The following DLGAP2 variants were observed in gnomAD, a reference collection of about 807,000 sequenced individuals.
DLGAP2 encodes the protein disks large-associated protein 2.
DLGAP2 carries 26 observed loss-of-function variants against 100.3 expected under a neutral mutation model. The observed-to-expected ratio is 0.26, with a 90% confidence interval of 0.19 to 0.36. The LOEUF (loss-of-function observed/expected upper bound fraction) is 0.36. Ranked by LOEUF, DLGAP2 falls within the 10% of genes least tolerant of loss-of-function variation. DLGAP2 has a pLI of 1.00. For missense variants in DLGAP2, 1,858 were observed against 1,453.2 expected, an observed-to-expected ratio of 1.28 and a Z score of -4.53; for synonymous variants, 886 against 630.1, an observed-to-expected ratio of 1.41 and a Z score of -6.08.
chr8:1,100,433 G>C (rs902511822), intron 2 of DLGAP2, among the ~76,000 whole-genome samples: 1 of 152,096 alleles, frequency 6.6e-6, no homozygotes, highest in Non-Finnish European at 1.5e-5. Context: ...TGTACAGCTT[G>C]TGTAGGGAAA....
chr8:912,182 T>C (rs1798498680), intron 2 of DLGAP2, among the ~76,000 whole-genome samples: 1 of 152,212 alleles, frequency 6.6e-6, no homozygotes, highest in South Asian at 2.1e-4. Flanking sequence ...CAAACTTTGA[T>C]AATAAGAAGT....
At chr8:760,743 C>T (rs779122779) in intron 1 of DLGAP2, among the ~76,000 whole-genome samples, 30 of 152,162 alleles carry the variant, frequency 2.0e-4, no homozygotes, top group Admixed American at 5.9e-4. Flanking sequence ...TGCAGGGCTT[C>T]GCGAGCGCCT....
intron 2 of DLGAP2, among the ~76,000 whole-genome samples, chr8:1,040,645 G>A (rs924561041): frequency 2.3e-4 from 34 of 149,786 alleles, no homozygotes; most frequent in African/African-American, 6.7e-4. Context: ...TGGTTGGCTC[G>A]GTGTGCGTGG....
At chr8:1,002,625 CT>C in intron 2 of DLGAP2, 1 of 152,234 alleles carries the variant, frequency 6.6e-6, no homozygotes. Flanking sequence ...AGTGGACGCC[CT>C]GTGGGGTGGC....
chr8:1,451,752 C>T (rs1029717802), intron 3 of DLGAP2, among the ~76,000 whole-genome samples: 1 of 152,208 alleles, frequency 6.6e-6, no homozygotes, highest in Non-Finnish European at 1.5e-5. Flanking sequence ...GAGCTCCCTC[C>T]ACAGTAACGA....
intron 9 of DLGAP2, among the ~76,000 whole-genome samples, 164 bp from the exon 10 acceptor site, chr8:1,669,579 T>G (rs1465229804): frequency 6.6e-6 from 1 of 152,240 alleles, no homozygotes; most frequent in African/African-American, 2.4e-5. Context: ...GATTCTTGAT[T>G]GCCGCTGGGG....
At chr8:1,660,649 T>G (rs928010793) in intron 8 of DLGAP2, among the ~76,000 whole-genome samples, 1 of 152,218 alleles carries the variant, frequency 6.6e-6, no homozygotes, top group Non-Finnish European at 1.5e-5. Flanking sequence ...CTATTAAAAC[T>G]ATGTGTTGGA....
chr8:1,338,027 G>T (rs890089951), intron 3 of DLGAP2, among the ~76,000 whole-genome samples: 7 of 152,232 alleles, frequency 4.6e-5, no homozygotes, highest in African/African-American at 1.7e-4. Context: ...ACTGAAGAAT[G>T]GACAATGACA....
At chr8:1,540,601 G>T (rs1289168514) in intron 4 of DLGAP2, among the ~76,000 whole-genome samples, 1 of 152,318 alleles carries the variant, frequency 6.6e-6, no homozygotes, top group East Asian at 1.9e-4. Flanking sequence ...CGCTGGAGTC[G>T]GGTGTGGCTG....
chr8:1,210,447 G>A (rs1798079660), intron 2 of DLGAP2, among the ~76,000 whole-genome samples: 1 of 152,234 alleles, frequency 6.6e-6, no homozygotes, highest in Non-Finnish European at 1.5e-5. Context: ...TCATTCAAGA[G>A]CAGCAGGAGT....
intron 2 of DLGAP2, among the ~76,000 whole-genome samples, chr8:1,077,674 A>C (rs973752860): frequency 6.6e-6 from 1 of 152,234 alleles, no homozygotes; most frequent in Non-Finnish European, 1.5e-5. Flanking sequence ...TCTAAGTTTT[A>C]TACTAAGAAT....
intron 2 of DLGAP2, among the ~76,000 whole-genome samples, chr8:932,969 C>G (rs984518332): frequency 1.3e-5 from 2 of 152,180 alleles, no homozygotes; most frequent in Non-Finnish European, 2.9e-5. Context: ...CAAAGATAAA[C>G]AATATTGGAA....
chr8:1,550,130 G>A (rs1019994913), intron 5 of DLGAP2, among the ~76,000 whole-genome samples: 2 of 152,176 alleles, frequency 1.3e-5, no homozygotes, highest in Non-Finnish European at 2.9e-5. Flanking sequence ...CTCTATCTGT[G>A]TGCGCCGGGC....
chr8:801,895 G>C (rs1203647923), intron 1 of DLGAP2, among the ~76,000 whole-genome samples: 1 of 135,264 alleles, frequency 7.4e-6, no homozygotes, highest in African/African-American at 2.7e-5. Flanking sequence ...CTTCACTCAA[G>C]CTCACTGTCA....
chr8:1,161,456 G>A (rs1796886681), intron 2 of DLGAP2, among the ~76,000 whole-genome samples: 2 of 152,218 alleles, frequency 1.3e-5, no homozygotes, highest in East Asian at 1.9e-4. Context: ...AGGGCTCAGC[G>A]ATCTTGCAAA....
At position 1,703,691 on chromosome 8, in the gene DLGAP2, T is replaced by C. The variant is rs1799633148; in HGVS notation, c.*2285T>C. Reference sequence around the variant, plus strand: ...ATAGAAAAGCAAACTGTTAAAGTAGTCAATAATTATTTGTCTCAGATCCCA... The same window carrying C: ...ATAGAAAAGCAAACTGTTAAAGTAGCCAATAATTATTTGTCTCAGATCCCA... On this transcript the variant is annotated 3_prime_UTR_variant, in exon 15 of 15. Coordinates refer to ENST00000637795, the MANE Select transcript of DLGAP2 (RefSeq NM_001346810.2). 6.6e-6 allele frequency: 1 copy of C among 152,218 alleles called. No individual in the cohort carries two copies. The highest frequency in any genetic ancestry group is 2.4e-5 in the African/African-American group (1 of 41,450). 9.4% of individuals were successfully genotyped at this position (152,218 alleles called of 1,614,324 possible).
At chr8:1,281,632 A>T (rs1196555307) in intron 3 of DLGAP2, among the ~76,000 whole-genome samples, 1 of 152,174 alleles carries the variant, frequency 6.6e-6, no homozygotes, top group Non-Finnish European at 1.5e-5. Flanking sequence ...TATTAATAAA[A>T]TCCATACACA....
chr8:1,149,467 C>G (rs1316119236), intron 2 of DLGAP2, among the ~76,000 whole-genome samples: 4 of 152,162 alleles, frequency 2.6e-5, no homozygotes, highest in Admixed American at 6.5e-5. Context: ...CTCTTTATCT[C>G]TTTCAGTGAT....
chr8:1,387,556 G>A (rs1320693119), intron 3 of DLGAP2, among the ~76,000 whole-genome samples: 4 of 152,152 alleles, frequency 2.6e-5, no homozygotes, highest in East Asian at 1.9e-4. Flanking sequence ...TGTATCTGAC[G>A]CCACTGAACT....
Sources: allele counts gnomAD v4.1 joint callset (sites outside exome capture counted in the v4.1 genomes callset), GRCh38; gene constraint gnomAD v4.1.1; transcripts MANE v1.5; gene names NCBI Gene and HGNC (gene_info 2026-07-23, HGNC 2026-07-21).